Variants in STK3 observed in about 807,000 individuals in gnomAD.
STK3 encodes serine/threonine-protein kinase 3.
Under a neutral mutation model 58.0 loss-of-function variants are expected in STK3, and 41 were observed. The observed-to-expected ratio is 0.71, with a 90% CI of 0.55 to 0.92. The LOEUF is 0.92. Ranked by LOEUF, STK3 falls within the 40% of genes least tolerant of loss-of-function variation. STK3 has a pLI of 0.00. For synonymous variants in STK3, 170 were observed against 191.0 expected (o/e 0.89, Z 0.91); for missense variants, 479 against 602.7 (o/e 0.79, Z 2.15).
intron 6 of STK3, among the ~76,000 whole-genome samples, chr8:98,614,870 A>G (rs1817543425): frequency 6.6e-6 from 1 of 152,190 alleles, no homozygotes; most frequent in Non-Finnish European, 1.5e-5. Context: ...GCAAGGCGGC[A>G]GCTAGGCTGG....
chr8:98,904,280 C>G (rs1233755600), intron 1 of STK3, among the ~76,000 whole-genome samples: 1 of 151,986 alleles, frequency 6.6e-6, no homozygotes, highest in African/African-American at 2.4e-5. Flanking sequence ...GTATTCAACT[C>G]CTAGGGAAAG....
chr8:98,513,989 G>A (rs990808792), intron 10 of STK3, among the ~76,000 whole-genome samples: 8 of 152,140 alleles, frequency 5.3e-5, no homozygotes, highest in Non-Finnish European at 8.8e-5. Context: ...ACATCATATT[G>A]TCAGAGACAT....
intron 9 of STK3, among the ~76,000 whole-genome samples, chr8:98,533,662 T>C (rs1809512644): frequency 6.6e-6 from 1 of 152,108 alleles, no homozygotes; most frequent in Non-Finnish European, 1.5e-5. Flanking sequence ...TAATTTTTGT[T>C]TACTTTTTGT....
chr8:98,743,228 T>A (rs1829362879), intron 4 of STK3, among the ~76,000 whole-genome samples: 1 of 147,878 alleles, frequency 6.8e-6, no homozygotes, highest in African/African-American at 2.5e-5. Flanking sequence ...TGGACAAAAG[T>A]ACTTTAAAGT....
chr8:98,718,875 T>C lies in STK3; in HGVS notation c.352-11564A>G, dbSNP rs1048672831. Among the ~76,000 whole-genome samples the C allele has an allele frequency of 3.9e-5, 6 of 152,276 alleles. No individual in the cohort carries two copies. In the South Asian group the frequency reaches 1.2e-3, roughly 32 times the overall value. On this transcript the variant is annotated intron_variant, in intron 4 of 10. Transcript: ENST00000419617. ...CAAAAATTTAAAATTACATGTGGCTTGTGTTTCTTTTGGACAGTACTGCAC... is the reference window on the plus strand; with the variant it reads ...CAAAAATTTAAAATTACATGTGGCTCGTGTTTCTTTTGGACAGTACTGCAC...
At chr8:98,823,783 C>T (rs1369254149) in intron 1 of STK3, among the ~76,000 whole-genome samples, 1 of 152,128 alleles carries the variant, frequency 6.6e-6, no homozygotes, top group Non-Finnish European at 1.5e-5. Flanking sequence ...CAATACATTT[C>T]ACAGATGAAG....
intron 6 of STK3, among the ~76,000 whole-genome samples, chr8:98,697,437 T>C (rs1242533216): frequency 6.6e-6 from 1 of 152,240 alleles, no homozygotes; most frequent in Non-Finnish European, 1.5e-5. Context: ...CTAGTTCTTT[T>C]AACTGTGATG....
intron 1 of STK3, among the ~76,000 whole-genome samples, chr8:98,889,144 A>G (rs1431171423): frequency 1.3e-5 from 2 of 152,228 alleles, no homozygotes; most frequent in African/African-American, 2.4e-5. Context: ...CAGTTTTGTA[A>G]AGGAATTGCC....
chr8:98,590,837 G>A (rs1340287332), intron 7 of STK3, among the ~76,000 whole-genome samples: 1 of 152,028 alleles, frequency 6.6e-6, no homozygotes, highest in Non-Finnish European at 1.5e-5. Context: ...AACCACTTAT[G>A]TTAGTATATA....
chr8:98,442,579 A>G (rs1818737397), intron 1 of STK3, among the ~76,000 whole-genome samples: 3 of 152,244 alleles, frequency 2.0e-5, no homozygotes, highest in Non-Finnish European at 4.4e-5. Context: ...TGTGTGCTGA[A>G]GCTGACTGAG....
intron 6 of STK3, among the ~76,000 whole-genome samples, chr8:98,691,426 T>C (rs867165802): frequency 1.6e-4 from 24 of 152,208 alleles, no homozygotes; most frequent in Non-Finnish European, 2.9e-4. Flanking sequence ...AGCATTCTGA[T>C]TGAAAGATCT....
chr8:98,706,499 T>G lies in STK3; in HGVS notation c.652A>C (p.Lys218Gln), dbSNP rs775804009. 3 of 1,613,602 alleles carry G rather than the reference T, an allele frequency of 1.9e-6. No individual in the cohort carries two copies. The highest frequency in any genetic ancestry group is 2.5e-6 in the Non-Finnish European group (3 of 1,179,782). Reference sequence around the variant, plus strand: ...GGATGTATATCAGCATAAGGAGGTTTTCCTTCAGCCATTTCTATAGAAGTA... The same window carrying G: ...GGATGTATATCAGCATAAGGAGGTTGTCCTTCAGCCATTTCTATAGAAGTA... ...GITSIEMAEG[K>Q]PPYADIHPMR... is the part of the protein sequence containing the mutation. Residue 218 changes from lysine to glutamine, a missense_variant, in exon 6 of 11, where the codon AAA becomes CAA. Lys to Gln is a moderately conservative substitution (Grantham distance 53). This residue lies in a region of STK3 where 309 missense variants were observed against 355.7 expected (regional missense o/e 0.87). Coordinates refer to ENST00000419617, the MANE Select transcript of STK3 (RefSeq NM_006281.4).
intron 4 of STK3, among the ~76,000 whole-genome samples, chr8:98,743,087 A>G (rs935498272): frequency 3.3e-5 from 5 of 152,134 alleles, no homozygotes; most frequent in Non-Finnish European, 7.4e-5. Flanking sequence ...AAGAGGATAC[A>G]AAGAAATGGA....
chr8:98,851,569 G>A (rs779847343), intron 3 of STK3, among the ~76,000 whole-genome samples: 2 of 151,962 alleles, frequency 1.3e-5, no homozygotes, highest in Non-Finnish European at 2.9e-5. Context: ...TCAACTACAC[G>A]GAAAAATCCA....
At chr8:98,394,121 C>T (rs1391117145) in intron 3 of STK3, among the ~76,000 whole-genome samples, 4 of 152,090 alleles carry the variant, frequency 2.6e-5, no homozygotes, top group African/African-American at 9.7e-5. Context: ...AGTCTCAGAA[C>T]TCTCAAGTAG....
intron 3 of STK3, among the ~76,000 whole-genome samples, chr8:98,843,379 T>A (rs1172987956): frequency 6.6e-6 from 1 of 152,222 alleles, no homozygotes; most frequent in Non-Finnish European, 1.5e-5. Context: ...AGTTGGTGGC[T>A]CAGTACTGAC....
chr8:98,363,866 A>G, the STK3 span, among the ~76,000 whole-genome samples: 4 of 152,318 alleles, frequency 2.6e-5, no homozygotes, highest in Non-Finnish European at 2.9e-5. Context: ...GCCACTGGCC[A>G]TTGCTATAGT....
intron 3 of STK3, 83 bp downstream of exon 3, chr8:98,767,160 T>A: frequency 2.2e-6 from 3 of 1,394,108 alleles, no homozygotes; most frequent in Non-Finnish European, 2.9e-6. Flanking sequence ...ACTAAACAGA[T>A]GATCAAAGAA....
At chr8:98,354,811 T>C in the STK3 span, among the ~76,000 whole-genome samples, 3 of 152,222 alleles carry the variant, frequency 2.0e-5, no homozygotes, top group Non-Finnish European at 4.4e-5. Context: ...GAAGTCTGGC[T>C]CTGTCACCCA....
Sources: gnomAD v4.1 joint callset for allele counts (sites outside exome capture counted in the v4.1 genomes callset) on GRCh38, gnomAD v4.1.1 for gene constraint, gnomAD v4.1.1 regional missense constraint, MANE v1.5 for transcripts, NCBI Gene and HGNC (gene_info 2026-07-23, HGNC 2026-07-21) for gene names.